Variants in PON3 observed in about 807,000 individuals in gnomAD.
The protein encoded by PON3 is paraoxonase 3, also known as serum paraoxonase/lactonase 3.
Under a neutral mutation model 36.3 loss-of-function variants are expected in PON3, and 37 were observed. The ratio of observed to expected loss-of-function variants is 1.02; its 90% confidence interval spans 0.78 to 1.34. The LOEUF (loss-of-function observed/expected upper bound fraction) is 1.34, where lower values mean the gene tolerates loss of function less well. Ranked by LOEUF, PON3 falls within the 40% of genes most tolerant of loss-of-function variation. The probability of loss-of-function intolerance (pLI) is 0.00; values close to 1 mark genes in which losing one functional copy is unlikely to be tolerated. For missense variants in PON3, 415 were observed against 426.5 expected (o/e 0.97, Z 0.24); for synonymous variants, 155 against 154.8 (o/e 1.00, Z -0.01).
intron 3 of PON3, among the ~76,000 whole-genome samples, chr7:95,378,618 G>T (rs1324490442): frequency 6.6e-6 from 1 of 152,158 alleles, no homozygotes; most frequent in Non-Finnish European, 1.5e-5. Flanking sequence ...TTAAAGAAAA[G>T]AATTTTCAAC....
At chr7:95,362,550 A>G in intron 7 of PON3, 60 bp from the exon 8 acceptor site, 1 of 1,609,230 alleles carries the variant, frequency 6.2e-7, no homozygotes, top group Non-Finnish European at 8.5e-7. Context: ...TTTCTTCCCT[A>G]TTCATCCCCA....
chr7:95,375,394 T>C lies in PON3; in HGVS notation c.202-3056A>G, dbSNP rs1022803429. Among the ~76,000 whole-genome samples, 26 of 150,686 alleles carry C rather than the reference T, an allele frequency of 1.7e-4. 2 individuals carry two copies. The South Asian group carries it at 4.4e-3, about 25-fold the overall frequency. On this transcript the variant is annotated intron_variant, in intron 3 of 8. Coordinates refer to ENST00000265627, the MANE Select transcript of PON3 (RefSeq NM_000940.3). ...AAAAAATATATAATAATTATATACA[T>C]ATAAATATATTAGGGGCATCTTATC... is the stretch of plus-strand genomic sequence containing the variant.
Position 95,359,882 on chromosome 7 carries a change from C to G in PON3, c.*91G>C. The G allele has an allele frequency of 7.5e-7, 1 of 1,341,466 alleles. No homozygotes were observed. The highest frequency in any genetic ancestry group is 1.0e-6 in the Non-Finnish European group (1 of 968,476). The allele number at this position is 1,341,466 out of a possible 1,614,324, so 83.1% of individuals were successfully genotyped here. A position where few individuals can be genotyped will look rare whatever the true frequency, so the allele number is the denominator to read the frequency against. ...AGCCACACTCACTGGTTGGTGTTTG[C>G]TATTTACTTACAGTGCCACTTATCA... On this transcript the variant is annotated 3_prime_UTR_variant, in exon 9 of 9. Coordinates refer to ENST00000265627, the MANE Select transcript of PON3 (RefSeq NM_000940.3).
intron 3 of PON3, chr7:95,377,777 CCAAA>C (rs200935582): frequency 0.027 from 4,271 of 155,778 alleles, 111 homozygotes; most frequent in African/African-American, 0.068. Flanking sequence ...CTGTAGGTCA[CCAAA>C]CAAAAACCAC....
In PON3 at chr7:95,394,527, T is replaced by C. The variant is rs988309224; in HGVS notation, c.145+117A>G. The C allele has an allele frequency of 4.7e-6, 4 of 846,044 alleles. No individual in the cohort carries two copies. The African/African-American group carries it at 5.0e-5, about 11-fold the overall frequency. 52.4% of individuals were successfully genotyped at this position (846,044 alleles called of 1,614,324 possible). A position where few individuals can be genotyped will look rare whatever the true frequency, so the allele number is the denominator to read the frequency against. ...CATGGGGCAGAGTGGACGGGGCAGA[T>C]GTCCCACTGGGAGGGCTTAAGTAGT... On this transcript the variant is annotated intron_variant, in intron 2 of 8. Coordinates refer to ENST00000265627, the MANE Select transcript of PON3 (RefSeq NM_000940.3).
chr7:95,360,828 C>T (rs565911861), intron 8 of PON3, among the ~76,000 whole-genome samples: 20 of 152,028 alleles, frequency 1.3e-4, no homozygotes, highest in Non-Finnish European at 2.8e-4. Context: ...ATATTGATAT[C>T]TCTTATTAGA....
At chr7:95,368,557 T>C (rs1808745241) in intron 4 of PON3, among the ~76,000 whole-genome samples, 1 of 152,216 alleles carries the variant, frequency 6.6e-6, no homozygotes, top group South Asian at 2.1e-4. Context: ...CCTGATTTCA[T>C]TTCTTCTAGT....
chr7:95,387,782 G>A (rs1025915561), intron 3 of PON3, among the ~76,000 whole-genome samples: 4 of 152,128 alleles, frequency 2.6e-5, no homozygotes, highest in African/African-American at 9.7e-5. Flanking sequence ...TACCAAAACA[G>A]ATATATAGAC....
chr7:95,376,407 T>C (rs186058519), intron 3 of PON3, among the ~76,000 whole-genome samples: 3 of 152,290 alleles, frequency 2.0e-5, no homozygotes, highest in South Asian at 2.1e-4. Flanking sequence ...TCTTCTAGGA[T>C]GGCAAGAAAG....
At chr7:95,377,579 A>C (rs1808948809) in intron 3 of PON3, 1 of 430,986 alleles carries the variant, frequency 2.3e-6, no homozygotes, top group Non-Finnish European at 4.7e-6. Flanking sequence ...CAGAAGAAAA[A>C]TCAGGCAGCA....
At chr7:95,380,860 A>T (rs1160843734) in intron 3 of PON3, among the ~76,000 whole-genome samples, 3 of 152,336 alleles carry the variant, frequency 2.0e-5, no homozygotes, top group African/African-American at 7.2e-5. Flanking sequence ...AATGCCACAA[A>T]GATATTCCTC....
intron 5 of PON3, 100 bp from the exon 6 acceptor site, chr7:95,364,163 CA>C (rs1808641102): frequency 1.0e-6 from 1 of 954,060 alleles, no homozygotes; most frequent in Non-Finnish European, 1.7e-6. Flanking sequence ...ATACGTTCAT[CA>C]ATTTGAAAAA....
intron 4 of PON3, among the ~76,000 whole-genome samples, chr7:95,369,822 G>A (rs1281226336): frequency 1.3e-5 from 2 of 152,090 alleles, no homozygotes; most frequent in Non-Finnish European, 2.9e-5. Flanking sequence ...TTAAAAAAGA[G>A]GTACATTGAG....
chr7:95,363,805 A>C, intron 6 of PON3, 58 bp downstream of exon 6: 5 of 1,496,852 alleles, frequency 3.3e-6, no homozygotes, highest in Non-Finnish European at 4.7e-6. Context: ...CCTCGTAAGG[A>C]AAGGAGTCCA....
In PON3 at chr7:95,372,301, T is replaced by C. The variant is rs111614508; in HGVS notation, c.239A>G (p.Asp80Gly). 2 of 1,613,884 alleles carry C rather than the reference T, an allele frequency of 1.2e-6. No homozygotes were observed. Among genetic ancestry groups the C allele is most frequent in the East Asian group, 2.2e-5 (1 of 44,876 alleles). ...CATCAAGAAGATTTTTCCTGGTTCATCTGGCGCAAAGTTTGGCATGCCTGG... is the reference window on the plus strand; with the variant it reads ...CATCAAGAAGATTTTTCCTGGTTCACCTGGCGCAAAGTTTGGCATGCCTGG... The part of the protein sequence containing the change: ...KYPGMPNFAP[D>G]EPGKIFLMDL... Residue 80 changes from aspartate (D) to glycine (G), a missense_variant, in exon 4 of 9, where the codon GAT becomes GGT. Transcript: ENST00000265627.
Position 95,367,504 on chromosome 7 carries a change from G to C in PON3, c.368-16C>G. The C allele has an allele frequency of 1.2e-6, 2 of 1,611,594 alleles. No homozygotes were observed. The highest frequency in any genetic ancestry group is 1.7e-6 in the Non-Finnish European group (2 of 1,178,804). On this transcript the variant is annotated splice_polypyrimidine_tract_variant and intron_variant, in intron 4 of 8. Transcript: ENST00000265627. ...ACAGTATTGTCTACATGGAAAAAAG[G>C]GATAATTTCCAAGAAAGTTACCCCT...
intron 3 of PON3, among the ~76,000 whole-genome samples, chr7:95,380,390 A>G (rs1809020052): frequency 6.6e-6 from 1 of 152,038 alleles, no homozygotes. Context: ...GGTTTCAGAC[A>G]ACCAAACTTC....
intron 6 of PON3, among the ~76,000 whole-genome samples, 196 bp from the exon 7 acceptor site, chr7:95,363,037 G>A (rs185288960): frequency 2.6e-5 from 4 of 152,166 alleles, no homozygotes; most frequent in Admixed American, 2.6e-4. Flanking sequence ...TTGAATATGA[G>A]TTATGACTAT....
At chr7:95,372,135 C>T (rs1294565265) in intron 4 of PON3, 38 bp downstream of exon 4, 1 of 1,590,240 alleles carries the variant, frequency 6.3e-7, no homozygotes, top group Admixed American at 1.7e-5. Context: ...TTTCTATTTC[C>T]CTCATTTCCC....
Sources: gnomAD v4.1 joint callset for allele counts (sites outside exome capture counted in the v4.1 genomes callset) on GRCh38, gnomAD v4.1.1 for gene constraint, MANE v1.5 for transcripts, NCBI Gene and HGNC (gene_info 2026-07-23, HGNC 2026-07-21) for gene names.